Variants in EHBP1 observed in about 807,000 individuals in gnomAD.
EHBP1 encodes the protein EH domain binding protein 1, also known as EH domain-binding protein 1.
Under a neutral mutation model 144.0 loss-of-function variants are expected in EHBP1, and 55 were observed. That is an observed-to-expected ratio of 0.38 (90% confidence interval 0.31 to 0.48). The LOEUF (loss-of-function observed/expected upper bound fraction) is 0.48, where lower values mean the gene tolerates loss of function less well. EHBP1 is among the 20% of genes least tolerant of loss of function. The pLI, the probability that EHBP1 is intolerant of heterozygous loss-of-function variation, is 0.98. For missense variants in EHBP1, 1,200 were observed against 1,364.2 expected, an observed-to-expected ratio of 0.88 and a Z score of 1.90; for synonymous variants, 469 against 472.7, an observed-to-expected ratio of 0.99 and a Z score of 0.10.
chr2:62,987,872 T>C (rs2059261728), intron 15 of EHBP1: 1 of 947,124 alleles, frequency 1.1e-6, no homozygotes, highest in Non-Finnish European at 1.6e-6. Context: ...TTTAGTGTTT[T>C]GGATGAATGA....
intron 7 of EHBP1, among the ~76,000 whole-genome samples, chr2:62,839,109 C>T (rs1204620792): frequency 8.1e-5 from 12 of 147,910 alleles, no homozygotes; most frequent in East Asian, 3.9e-4. Context: ...ACTGGCAAAC[C>T]GAATCCAGCA....
intron 10 of EHBP1, among the ~76,000 whole-genome samples, chr2:62,909,287 A>C (rs1280358863): frequency 6.6e-6 from 1 of 151,912 alleles, no homozygotes; most frequent in Non-Finnish European, 1.5e-5. Context: ...CTCAAGCGAG[A>C]TCTTCCCACC....
chr2:62,835,356 T>C (rs552891804), intron 7 of EHBP1, among the ~76,000 whole-genome samples: 18 of 152,216 alleles, frequency 1.2e-4, no homozygotes, highest in Non-Finnish European at 2.2e-4. Context: ...ACATTTTTCA[T>C]AGAGTAACTT....
chr2:62,977,600 C>G (rs1485777884), intron 14 of EHBP1, among the ~76,000 whole-genome samples: 1 of 152,040 alleles, frequency 6.6e-6, no homozygotes, highest in Non-Finnish European at 1.5e-5. Flanking sequence ...TTCTCTTTCT[C>G]TATATAAGTT....
intron 1 of EHBP1, among the ~76,000 whole-genome samples, chr2:62,682,225 T>C (rs1486708472): frequency 6.6e-6 from 1 of 152,182 alleles, no homozygotes; most frequent in Non-Finnish European, 1.5e-5. Context: ...AGATATCAAA[T>C]AAAAGATATT....
At chr2:62,960,722 G>A (rs894709745) in intron 14 of EHBP1, among the ~76,000 whole-genome samples, 3 of 152,136 alleles carry the variant, frequency 2.0e-5, no homozygotes, top group African/African-American at 7.2e-5. Flanking sequence ...TTGCTATAAG[G>A]AGGTTCTTAG....
intron 12 of EHBP1, 108 bp from the exon 13 acceptor site, chr2:62,948,152 A>T: frequency 1.1e-6 from 1 of 943,396 alleles, no homozygotes. Context: ...ATGTGACATA[A>T]TGTCGATAAC....
chr2:62,796,252 T>C (rs1223856737), intron 5 of EHBP1, among the ~76,000 whole-genome samples: 1 of 152,078 alleles, frequency 6.6e-6, no homozygotes, highest in Non-Finnish European at 1.5e-5. Flanking sequence ...CCTAGAAATA[T>C]GCATAAAACT....
chr2:62,733,903 C>T (rs145099606), intron 2 of EHBP1, among the ~76,000 whole-genome samples: 345 of 152,280 alleles, frequency 2.3e-3, no homozygotes, highest in African/African-American at 7.7e-3. Flanking sequence ...CATACTGGTT[C>T]CTGGACTGCT....
chr2:62,983,932 G>A (rs2059083313), intron 15 of EHBP1, among the ~76,000 whole-genome samples: 2 of 152,168 alleles, frequency 1.3e-5, no homozygotes, highest in Admixed American at 1.3e-4. Context: ...CCATGAGAAT[G>A]TCTGCATGAT....
chr2:62,731,008 G>A (rs2152029626), intron 2 of EHBP1, among the ~76,000 whole-genome samples: 1 of 150,572 alleles, frequency 6.6e-6, no homozygotes, highest in East Asian at 2.0e-4. Context: ...GATCAAATTG[G>A]GAAGAACTGC....
intron 5 of EHBP1, among the ~76,000 whole-genome samples, chr2:62,821,181 T>A (rs1401580932): frequency 6.6e-6 from 1 of 152,108 alleles, no homozygotes; most frequent in Non-Finnish European, 1.5e-5. Context: ...CCTCTAGTCC[T>A]CTTGCATGGG....
intron 19 of EHBP1, among the ~76,000 whole-genome samples, chr2:63,002,605 G>A (rs563317176): frequency 6.6e-6 from 1 of 152,034 alleles, no homozygotes; most frequent in Admixed American, 6.6e-5. Flanking sequence ...TTATATTCCT[G>A]AAATGCTATA....
At chr2:62,884,154 T>C (rs76536971) in intron 10 of EHBP1, among the ~76,000 whole-genome samples, 15,246 of 152,212 alleles carry the variant, frequency 0.1, 962 homozygotes, top group Non-Finnish European at 0.14. Flanking sequence ...TCACAAGTAA[T>C]AGTGATTACA....
intron 5 of EHBP1, among the ~76,000 whole-genome samples, chr2:62,824,091 A>C (rs779185613): frequency 2.7e-4 from 41 of 152,106 alleles, no homozygotes; most frequent in Non-Finnish European, 5.5e-4. Context: ...TCAGCAGAAA[A>C]ATTTTTCTAC....
Position 62,956,454 on chromosome 2 carries a change from G to A in EHBP1, c.2460+794G>A, listed in dbSNP as rs369610353. Among the ~76,000 whole-genome samples the A allele has an allele frequency of 7.2e-4, 110 of 152,168 alleles. 1 individual carries two copies. The highest frequency in any genetic ancestry group is 2.3e-3 in the South Asian group (11 of 4,818). On this transcript the variant is annotated intron_variant, in intron 14 of 22. Transcript: ENST00000431489. ...GGTCACCTTGTTGCATGTGTTTCAC[G>A]TTTACCCAAAGAAGTACCCTATTGC... is the stretch of plus-strand genomic sequence containing the variant.
intron 5 of EHBP1, among the ~76,000 whole-genome samples, chr2:62,801,603 TG>T (rs2043993047): frequency 6.6e-6 from 1 of 152,248 alleles, no homozygotes; most frequent in African/African-American, 2.4e-5. Context: ...GAGCTAGATC[TG>T]GCTTTTAATT....
chr2:62,997,891 G>C lies in EHBP1; in HGVS notation c.3103+1125G>C, dbSNP rs142527856. Among the ~76,000 whole-genome samples the C allele has an allele frequency of 3.1e-3, 474 of 152,132 alleles. 4 individuals carry two copies. The highest frequency in any genetic ancestry group is 0.011 in the African/African-American group (439 of 41,506). ...GAGGCACCTCAGGGGCTTGCCAGGA[G>C]AATAAGGGAGCAGAAAGTAGACAGG... On this transcript the variant is annotated intron_variant, in intron 19 of 22. Coordinates refer to ENST00000431489, the MANE Select transcript of EHBP1 (RefSeq NM_001142616.3).
chr2:62,876,067 A>G (rs569980912), intron 10 of EHBP1, among the ~76,000 whole-genome samples: 1 of 152,358 alleles, frequency 6.6e-6, no homozygotes, highest in East Asian at 1.9e-4. Flanking sequence ...ATTCAAGGAT[A>G]TTGTCCATGA....
Sources: gnomAD v4.1 joint callset for allele counts (sites outside exome capture counted in the v4.1 genomes callset) on GRCh38, gnomAD v4.1.1 for gene constraint, MANE v1.5 for transcripts, NCBI Gene and HGNC (gene_info 2026-07-23, HGNC 2026-07-21) for gene names.